PTPRD: variants seen among roughly 807,000 people sequenced by gnomAD.
The protein encoded by PTPRD is protein tyrosine phosphatase receptor type D, also known as receptor-type tyrosine-protein phosphatase delta.
Under a neutral mutation model 214.5 loss-of-function variants are expected in PTPRD, and 34 were observed. That is an observed-to-expected ratio of 0.16 (90% confidence interval 0.12 to 0.21). The LOEUF is 0.21. Among genes scored for constraint, PTPRD ranks in the 10% least tolerant of loss-of-function variants. The pLI, the probability that PTPRD is intolerant of heterozygous loss-of-function variation, is 1.00. For missense variants in PTPRD, 2,545 were observed against 2,398.7 expected, an observed-to-expected ratio of 1.06 and a Z score of -1.27; for synonymous variants, 1,128 against 845.7, an observed-to-expected ratio of 1.33 and a Z score of -5.79.
At chr9:9,729,507 C>A (rs552265847) in intron 7 of PTPRD, among the ~76,000 whole-genome samples, 1 of 152,152 alleles carries the variant, frequency 6.6e-6, no homozygotes, top group African/African-American at 2.4e-5. Flanking sequence ...AAGAAAGAAA[C>A]CCAGATATTA....
At chr9:9,014,072 A>G (rs1028616173) in intron 11 of PTPRD, among the ~76,000 whole-genome samples, 2 of 152,084 alleles carry the variant, frequency 1.3e-5, no homozygotes, top group Non-Finnish European at 2.9e-5. Context: ...CCATTTTTCT[A>G]TAATAAGTAA....
At chr9:9,770,707 G>C (rs2098745246) in intron 5 of PTPRD, among the ~76,000 whole-genome samples, 1 of 152,074 alleles carries the variant, frequency 6.6e-6, no homozygotes, top group South Asian at 2.1e-4. Flanking sequence ...ATGTTTGTTT[G>C]TTGATTGCTT....
At chr9:9,593,722 C>A (rs657849) in intron 7 of PTPRD, among the ~76,000 whole-genome samples, 38,984 of 151,826 alleles carry the variant, frequency 0.26, 6,008 homozygotes, top group Non-Finnish European at 0.35. Context: ...CTGAGGAACA[C>A]AATGAAGGTC....
chr9:9,560,210 G>T (rs1247120164), intron 8 of PTPRD, among the ~76,000 whole-genome samples: 1 of 152,100 alleles, frequency 6.6e-6, no homozygotes, highest in Non-Finnish European at 1.5e-5. Context: ...CCACAACTCA[G>T]CCAGGACACA....
intron 9 of PTPRD, among the ~76,000 whole-genome samples, chr9:9,225,043 C>G (rs1403264637): frequency 3.3e-5 from 5 of 151,970 alleles, no homozygotes; most frequent in Admixed American, 3.3e-4. Context: ...TCTATGGCAA[C>G]TCAAATCCAT....
At chr9:9,975,335 T>C (rs1186470952) in intron 4 of PTPRD, among the ~76,000 whole-genome samples, 2 of 152,240 alleles carry the variant, frequency 1.3e-5, no homozygotes, top group Non-Finnish European at 2.9e-5. Context: ...TACTTAACTG[T>C]GGTTCTTTGC....
intron 5 of PTPRD, among the ~76,000 whole-genome samples, chr9:9,769,757 CT>C (rs1261324823): frequency 1.3e-5 from 2 of 152,114 alleles, no homozygotes; most frequent in African/African-American, 4.8e-5. Flanking sequence ...TATCCCTCCC[CT>C]AGCCCCCCAC....
At chr9:9,156,556 G>A (rs1361457161) in intron 10 of PTPRD, among the ~76,000 whole-genome samples, 1 of 152,000 alleles carries the variant, frequency 6.6e-6, no homozygotes, top group East Asian at 1.9e-4. Flanking sequence ...ATTAGACCAA[G>A]TTGTCTATAG....
At chr9:8,644,841 T>C (rs909288607) in intron 12 of PTPRD, among the ~76,000 whole-genome samples, 2 of 152,212 alleles carry the variant, frequency 1.3e-5, no homozygotes, top group African/African-American at 2.4e-5. Context: ...GCAGTCTCCC[T>C]TGAAGACATG....
At chr9:9,190,271 C>T (rs1046431928) in intron 9 of PTPRD, among the ~76,000 whole-genome samples, 1 of 151,920 alleles carries the variant, frequency 6.6e-6, no homozygotes, top group Non-Finnish European at 1.5e-5. Context: ...GTGTCCCCAC[C>T]CAAATCTCAA....
intron 2 of PTPRD, among the ~76,000 whole-genome samples, chr9:10,363,426 T>C (rs2097434499): frequency 6.6e-6 from 1 of 152,246 alleles, no homozygotes; most frequent in Non-Finnish European, 1.5e-5. Flanking sequence ...TTATTTTCAC[T>C]GTCGCCATTA....
intron 14 of PTPRD, among the ~76,000 whole-genome samples, chr9:8,595,450 G>T (rs12551045): frequency 1.3e-5 from 2 of 152,066 alleles, no homozygotes; most frequent in African/African-American, 4.8e-5. Context: ...AAAAAAATTA[G>T]TACTGCTTTT....
At chr9:9,344,379 C>T (rs534573815) in intron 9 of PTPRD, among the ~76,000 whole-genome samples, 16 of 151,866 alleles carry the variant, frequency 1.1e-4, no homozygotes, top group African/African-American at 2.9e-4. Context: ...CTAATGCATG[C>T]GGGGCTTAAA....
At chr9:10,500,881 CA>C (rs1589533620) in intron 2 of PTPRD, among the ~76,000 whole-genome samples, 1 of 151,768 alleles carries the variant, frequency 6.6e-6, no homozygotes, top group African/African-American at 2.4e-5. Context: ...GACAGAATAT[CA>C]TTTTGAATAG....
chr9:10,534,557 T>C (rs2057289509), intron 2 of PTPRD, among the ~76,000 whole-genome samples: 1 of 152,086 alleles, frequency 6.6e-6, no homozygotes, highest in Admixed American at 6.6e-5. Context: ...TGATTAAAAT[T>C]ATTCAGAAGC....
At chr9:9,219,079 AATATATTACATTATTAC>A (rs1332849225) in intron 9 of PTPRD, among the ~76,000 whole-genome samples, 1 of 152,154 alleles carries the variant, frequency 6.6e-6, no homozygotes, top group Non-Finnish European at 1.5e-5. Context: ...TGCCAATTAA[AATATATTACATTATTAC>A]ATATGCATAA....
rs147314291 is a variant in PTPRD at position 10,334,563 on chromosome 9, A to G, written c.-545+6400T>C. On this transcript the variant is annotated intron_variant, in intron 3 of 45. Transcript: ENST00000381196. ...TCAAACAATATACTGGAAATCATAGATAATATTACGAGAAAAGGAAATCAA... is the reference window on the plus strand; with the variant it reads ...TCAAACAATATACTGGAAATCATAGGTAATATTACGAGAAAAGGAAATCAA... 1.3e-4 allele frequency among the ~76,000 whole-genome samples: 19 copies of G among 151,760 alleles called. No individual in the cohort carries two copies. In the South Asian group the frequency reaches 3.7e-3, roughly 30 times the overall value.
intron 10 of PTPRD, among the ~76,000 whole-genome samples, chr9:9,035,516 G>C (rs1397368341): frequency 2.7e-4 from 41 of 152,010 alleles, no homozygotes; most frequent in Non-Finnish European, 2.8e-4. Context: ...CATGCTCCAA[G>C]TTATAAACCT....
chr9:9,732,980 G>A (rs1346090405), intron 7 of PTPRD, among the ~76,000 whole-genome samples: 1 of 151,978 alleles, frequency 6.6e-6, no homozygotes, highest in Non-Finnish European at 1.5e-5. Flanking sequence ...GGTTAAATAT[G>A]TAGGACTGAA....
Sources: allele counts gnomAD v4.1 joint callset (sites outside exome capture counted in the v4.1 genomes callset), GRCh38; gene constraint gnomAD v4.1.1; transcripts MANE v1.5; gene names NCBI Gene and HGNC (gene_info 2026-07-23, HGNC 2026-07-21).